The following LMOD1 variants were observed in gnomAD, a reference collection of about 807,000 sequenced individuals.
LMOD1 encodes leiomodin 1, also known as leiomodin-1.
A neutral mutation model predicts 36.5 loss-of-function variants in LMOD1; 8 were observed. The observed-to-expected ratio is 0.22, with a 90% CI of 0.13 to 0.40. The LOEUF (loss-of-function observed/expected upper bound fraction) is 0.40, where lower values mean the gene tolerates loss of function less well. Ranked by LOEUF, LMOD1 falls within the 10% of genes least tolerant of loss-of-function variation. LMOD1 has a pLI of 1.00. For missense variants in LMOD1, 630 were observed against 751.1 expected, an observed-to-expected ratio of 0.84 and a Z score of 1.88; for synonymous variants, 284 against 288.7, an observed-to-expected ratio of 0.98 and a Z score of 0.17.
chr1:201,929,918 C>T (rs1436609358), intron 1 of LMOD1, among the ~76,000 whole-genome samples: 1 of 152,102 alleles, frequency 6.6e-6, no homozygotes, highest in African/African-American at 2.4e-5. Flanking sequence ...AGAGGTGGAG[C>T]ACACAACTTA....
chr1:201,943,360 C>T (rs549035969), intron 1 of LMOD1, among the ~76,000 whole-genome samples: 2 of 152,346 alleles, frequency 1.3e-5, no homozygotes, highest in African/African-American at 2.4e-5. Context: ...GGTGAATGTG[C>T]TCGGCATGTA....
At position 201,899,926 on chromosome 1, in the gene LMOD1, G is replaced by A; in HGVS notation, c.1087C>T (p.Leu363=). The change falls in exon 2 of 3, where the codon CTG becomes TTG. Residue 363 remains leucine, a synonymous_variant. Coordinates refer to ENST00000367288, the MANE Select transcript of LMOD1 (RefSeq NM_012134.3). This position sits in a 1 kb window ranked among gnomAD's most constrained non-coding sequence, Gnocchi z 6.3. ...EALEFNTVVK[L]FALANTRADD... ...GCTCGCGTGTTGGCCAAGGCGAACA[G>A]CTTAACCACAGTGTTGAACTCCAGA... 6.2e-7 allele frequency: 1 copy of A among 1,613,986 alleles called. No homozygotes were observed. Among genetic ancestry groups the A allele is most frequent in the Non-Finnish European group, 8.5e-7 (1 of 1,179,876 alleles).
chr1:201,919,940 C>G (rs1681672725), intron 1 of LMOD1, among the ~76,000 whole-genome samples: 1 of 151,780 alleles, frequency 6.6e-6, no homozygotes, highest in Admixed American at 6.6e-5. Flanking sequence ...TTGTAAGCAG[C>G]CTTTTTCAGT....
At chr1:201,914,712 C>T (rs1234935408) in intron 1 of LMOD1, among the ~76,000 whole-genome samples, 1 of 151,986 alleles carries the variant, frequency 6.6e-6, no homozygotes, top group Non-Finnish European at 1.5e-5. Flanking sequence ...CCTCCAGGCT[C>T]ATCTTTCACC....
chr1:201,899,419 C>T lies in LMOD1; in HGVS notation c.1594G>A (p.Ala532Thr). Residue 532 changes from alanine (A) to threonine (T), a missense_variant, in exon 2 of 3, where the codon GCT (alanine) becomes ACT (threonine). By Grantham distance (58) the Ala-to-Thr change is moderately conservative. This residue lies in a region of LMOD1 where 144 missense variants were observed against 169.8 expected (regional missense o/e 0.85). Transcript: ENST00000367288. The surrounding 1 kb of genome is among the most constrained non-coding windows in gnomAD (Gnocchi z 6.3). ...GGAGGGGGAGGGGGTGGTGGGGCAGCTGGAGCACCCCCTTTTTTGGGTGAG... is the reference window on the plus strand; with the variant it reads ...GGAGGGGGAGGGGGTGGTGGGGCAGTTGGAGCACCCCCTTTTTTGGGTGAG... ...KNSPKKGGAP[A>T]APPPPPPPLA... 1 of 1,613,620 alleles carries T rather than the reference C, an allele frequency of 6.2e-7. No individual in the cohort carries two copies. The highest frequency in any genetic ancestry group is 8.5e-7 in the Non-Finnish European group (1 of 1,179,690).
At position 201,941,463 on chromosome 1, in the gene LMOD1, C is replaced by T. The variant is rs75517190; in HGVS notation, c.261+4617G>A. On this transcript the variant is annotated intron_variant, in intron 1 of 2. Coordinates refer to ENST00000367288, the MANE Select transcript of LMOD1 (RefSeq NM_012134.3). ...GCTTTTGCCTCCCTGGGTCAACAGG[C>T]CCCCGTCACCTCTTCTGCCCTCTTC... is the stretch of plus-strand genomic sequence containing the variant. 9.6e-3 allele frequency among the ~76,000 whole-genome samples: 1,466 copies of T among 152,292 alleles called. 20 individuals are homozygous for T. The highest frequency in any genetic ancestry group is 0.015 in the Non-Finnish European group (1,017 of 68,024).
chr1:201,899,920 C>G lies in LMOD1; in HGVS notation c.1093G>C (p.Ala365Pro). 6.2e-7 allele frequency: 1 copy of G among 1,613,836 alleles called. No individual in the cohort carries two copies. The highest frequency in any genetic ancestry group is 8.5e-7 in the Non-Finnish European group (1 of 1,179,836). Residue 365 changes from alanine (A) to proline (P), a missense_variant, in exon 2 of 3, where the codon GCC (alanine) becomes CCC (proline). Around this residue, in one of 3 missense-constraint regions of LMOD1, gnomAD observed 81 missense variants for 180.6 expected, o/e 0.45. Coordinates refer to ENST00000367288, the MANE Select transcript of LMOD1 (RefSeq NM_012134.3). This position sits in a 1 kb window ranked among gnomAD's most constrained non-coding sequence, Gnocchi z 6.3. Reference sequence around the variant, plus strand: ...TCATCGGCTCGCGTGTTGGCCAAGGCGAACAGCTTAACCACAGTGTTGAAC... The same window carrying G: ...TCATCGGCTCGCGTGTTGGCCAAGGGGAACAGCTTAACCACAGTGTTGAAC... ...LEFNTVVKLF[A>P]LANTRADDHV...
rs562789752 is a variant in LMOD1 at position 201,936,472 on chromosome 1, C to T, written c.261+9608G>A. On this transcript the variant is annotated intron_variant, in intron 1 of 2. Coordinates refer to ENST00000367288, the MANE Select transcript of LMOD1 (RefSeq NM_012134.3). ...GGAACCCTGCTTACTTCCAAGGCCTCGTCTCCTCCAGGCTCCTTCCCCACT... is the reference window on the plus strand; with the variant it reads ...GGAACCCTGCTTACTTCCAAGGCCTTGTCTCCTCCAGGCTCCTTCCCCACT... Among the ~76,000 whole-genome samples, 4 of 152,242 alleles carry T rather than the reference C, an allele frequency of 2.6e-5. No individual in the cohort carries two copies. The East Asian group carries it at 5.8e-4, about 22-fold the overall frequency.
Position 201,899,423 on chromosome 1 carries a change from A to G in LMOD1, c.1590T>C (p.Ala530=), listed in dbSNP as rs1381503769. 6.2e-7 allele frequency: 1 copy of G among 1,613,568 alleles called. No homozygotes were observed. The highest frequency in any genetic ancestry group is 8.5e-7 in the Non-Finnish European group (1 of 1,179,674). The change falls in exon 2 of 3, where the codon GCT becomes GCC. Residue 530 remains alanine (A), a synonymous_variant. Transcript: ENST00000367288. The surrounding 1 kb of genome is among the most constrained non-coding windows in gnomAD (Gnocchi z 6.3). ...SPKNSPKKGG[A]PAAPPPPPPP... ...GGGGAGGGGGTGGTGGGGCAGCTGG[A>G]GCACCCCCTTTTTTGGGTGAGTTCT... is the stretch of plus-strand genomic sequence containing the variant.
chr1:201,946,229 C>G lies in LMOD1; in HGVS notation c.112G>C (p.Val38Leu). 6.2e-7 allele frequency: 1 copy of G among 1,614,060 alleles called. No individual in the cohort carries two copies. The highest frequency in any genetic ancestry group is 8.5e-7 in the Non-Finnish European group (1 of 1,179,910). Residue 38 changes from valine to leucine, a missense_variant, in exon 1 of 3, where the codon GTG becomes CTG. Physicochemically the swap from Val to Leu is conservative, Grantham distance 32. Coordinates refer to ENST00000367288, the MANE Select transcript of LMOD1 (RefSeq NM_012134.3). ...EMEELEKELD[V>L]VDPDGSVPVG... ...GGAACACTCCCGTCTGGGTCCACCA[C>G]GTCCAGCTCCTTCTCCAGCTCCTCC... is the stretch of plus-strand genomic sequence containing the variant.
At chr1:201,937,562 G>A (rs1311938968) in intron 1 of LMOD1, among the ~76,000 whole-genome samples, 1 of 152,016 alleles carries the variant, frequency 6.6e-6, no homozygotes, top group Admixed American at 6.6e-5. Flanking sequence ...CCAGGAGTTC[G>A]ACACCAGCCT....
At chr1:201,935,131 A>G (rs1681993449) in intron 1 of LMOD1, among the ~76,000 whole-genome samples, 1 of 152,186 alleles carries the variant, frequency 6.6e-6, no homozygotes, top group South Asian at 2.1e-4. Flanking sequence ...TCATTCTTCC[A>G]GCTTTCAGAT....
At chr1:201,910,869 C>T (rs957261172) in intron 1 of LMOD1, among the ~76,000 whole-genome samples, 20 of 149,616 alleles carry the variant, frequency 1.3e-4, no homozygotes, top group African/African-American at 4.9e-4. Flanking sequence ...ATTCTCCTGC[C>T]TCAGCCTCCC....
chr1:201,917,817 G>A (rs1681636227), intron 1 of LMOD1, among the ~76,000 whole-genome samples: 1 of 152,336 alleles, frequency 6.6e-6, no homozygotes, highest in African/African-American at 2.4e-5. Context: ...CCGGAGGGTG[G>A]CAGAAGGAAC....
In LMOD1 at chr1:201,924,527, GGGAA is replaced by G. The variant is rs545600227; in HGVS notation, c.261+21549_261+21552del. On this transcript the variant is annotated intron_variant, in intron 1 of 2. Coordinates refer to ENST00000367288, the MANE Select transcript of LMOD1 (RefSeq NM_012134.3). ...AAGGAAGCAAGGAAGGAGGGAGGAA[GGGAA>G]GGAAGGAAGGAAGGAAGCAAGGAAG... is the stretch of plus-strand genomic sequence containing the variant. Among the ~76,000 whole-genome samples the G allele has an allele frequency of 4.6e-3, 397 of 86,024 alleles. 18 individuals carry two copies. Among genetic ancestry groups the G allele is most frequent in the East Asian group, 8.5e-3 (18 of 2,106 alleles). The allele number at this position is 86,024 out of a possible 152,430, so 56.4% of individuals were successfully genotyped here.
chr1:201,907,743 G>A (rs1681433542), intron 1 of LMOD1, among the ~76,000 whole-genome samples: 1 of 152,138 alleles, frequency 6.6e-6, no homozygotes, highest in African/African-American at 2.4e-5. Flanking sequence ...AGCTACACTT[G>A]TTGGGCCCTG....
chr1:201,915,375 G>T (rs1037013913), intron 1 of LMOD1, among the ~76,000 whole-genome samples: 23 of 152,096 alleles, frequency 1.5e-4, no homozygotes, highest in African/African-American at 5.6e-4. Context: ...CTCAAAGCTG[G>T]ATCTCTGGGC....
At chr1:201,904,389 T>G (rs1681378576) in intron 1 of LMOD1, among the ~76,000 whole-genome samples, 1 of 152,184 alleles carries the variant, frequency 6.6e-6, no homozygotes, top group African/African-American at 2.4e-5. Flanking sequence ...TTTGTATTTT[T>G]GGTAGAGACG....
intron 1 of LMOD1, among the ~76,000 whole-genome samples, chr1:201,930,911 T>C (rs2102926344): frequency 6.6e-6 from 1 of 152,260 alleles, no homozygotes; most frequent in East Asian, 1.9e-4. Context: ...TTCCACAAAG[T>C]AAACAAATAG....
Sources: allele counts gnomAD v4.1 joint callset (sites outside exome capture counted in the v4.1 genomes callset), GRCh38; gene constraint gnomAD v4.1.1; regional missense constraint gnomAD v4.1.1; non-coding constraint Gnocchi (gnomAD v3.1); transcripts MANE v1.5; gene names NCBI Gene and HGNC (gene_info 2026-07-23, HGNC 2026-07-21).